The following RHBDD1 variants were observed in gnomAD, a reference collection of about 807,000 sequenced individuals.
The protein encoded by RHBDD1 is rhomboid-related protein 4.
A neutral mutation model predicts 36.3 loss-of-function variants in RHBDD1; 38 were observed. The ratio of observed to expected loss-of-function variants is 1.05; its 90% CI spans 0.81 to 1.37. RHBDD1 has a LOEUF of 1.37. RHBDD1 is among the 40% of genes most tolerant of loss of function. The pLI, the probability that RHBDD1 is intolerant of heterozygous loss-of-function variation, is 0.00. For missense variants in RHBDD1, 393 were observed against 377.6 expected, an observed-to-expected ratio of 1.04 and a Z score of -0.34; for synonymous variants, 151 against 136.5, an observed-to-expected ratio of 1.11 and a Z score of -0.74.
chr2:226,878,511 G>A (rs1357395414), intron 5 of RHBDD1, among the ~76,000 whole-genome samples: 2 of 152,176 alleles, frequency 1.3e-5, no homozygotes, highest in Admixed American at 1.3e-4. Context: ...TTCTTGCCTT[G>A]TGAGTTGAAA....
At chr2:226,882,440 AAAAAAAAAAAAAAAGAAG>A (rs1456636412) in intron 5 of RHBDD1, among the ~76,000 whole-genome samples, 1 of 150,518 alleles carries the variant, frequency 6.6e-6, no homozygotes, top group African/African-American at 2.4e-5. Context: ...CAAAAAAAAA[AAAAAAAAAAAAAAAGAAG>A]AAGAAGAAGA....
chr2:226,821,009 C>T, the RHBDD1 span, among the ~76,000 whole-genome samples: 5 of 152,196 alleles, frequency 3.3e-5, no homozygotes, highest in South Asian at 1.0e-3. Flanking sequence ...CTGGTACCCC[C>T]ATCCTCTCCT....
chr2:226,947,996 G>A (rs1462761326), intron 8 of RHBDD1, among the ~76,000 whole-genome samples: 1 of 152,158 alleles, frequency 6.6e-6, no homozygotes, highest in East Asian at 1.9e-4. Context: ...AGCCATTGTG[G>A]AAGTCAGTGT....
At chr2:226,841,299 AT>A (rs1161516943) in intron 3 of RHBDD1, among the ~76,000 whole-genome samples, 1 of 151,276 alleles carries the variant, frequency 6.6e-6, no homozygotes, top group Admixed American at 6.6e-5. Context: ...CACCCAGCTA[AT>A]TTTTTTTTCT....
intron 5 of RHBDD1, among the ~76,000 whole-genome samples, chr2:226,886,952 G>GA (rs1414661624): frequency 1.3e-5 from 2 of 151,660 alleles, no homozygotes; most frequent in Non-Finnish European, 2.9e-5. Context: ...AACTAAAAAG[G>GA]AAAAAATGAT....
chr2:226,855,411 G>A (rs887708985), intron 3 of RHBDD1, among the ~76,000 whole-genome samples: 4 of 152,182 alleles, frequency 2.6e-5, no homozygotes, highest in Admixed American at 2.0e-4. Context: ...GGCTGCAGTG[G>A]GAGGACCACT....
intron 8 of RHBDD1, among the ~76,000 whole-genome samples, chr2:226,984,288 T>C (rs1391819324): frequency 6.6e-6 from 1 of 152,216 alleles, no homozygotes; most frequent in Non-Finnish European, 1.5e-5. Flanking sequence ...AACAGAAATT[T>C]ATTTCTCACG....
chr2:226,908,677 A>G lies in RHBDD1; in HGVS notation c.656-145A>G, dbSNP rs529396877. On this transcript the variant is annotated intron_variant, in intron 6 of 8. Transcript: ENST00000392062. ...CTTTTCCAGTTAGGGCTGGCCCCCA[A>G]ACAAAAGGGAGTTTATTTTAATAAG... 116 of 653,602 alleles carry G rather than the reference A, an allele frequency of 1.8e-4. 2 individuals are homozygous for G. The South Asian group carries it at 2.1e-3, about 12-fold the overall frequency. 40.5% of individuals were successfully genotyped at this position (653,602 alleles called of 1,614,324 possible). A position where few individuals can be genotyped will look rare whatever the true frequency, so the allele number is the denominator to read the frequency against.
chr2:226,931,378 A>C (rs1160724406), intron 8 of RHBDD1, among the ~76,000 whole-genome samples: 2 of 152,068 alleles, frequency 1.3e-5, no homozygotes, highest in Non-Finnish European at 2.9e-5. Context: ...TCTAAGTATT[A>C]ATAACTCAGG....
rs1289554151 is a variant in RHBDD1, at chr2:226,996,677, A to G, written c.*1155A>G. ...AGATGCATAAGGCAAACATCTGGAA[A>G]GAAATATACCCAAATCTTAGCAGGG... On this transcript the variant is annotated 3_prime_UTR_variant, in exon 9 of 9. Transcript: ENST00000392062. 1 of 152,264 alleles carries G rather than the reference A, an allele frequency of 6.6e-6. No homozygotes were observed. Among genetic ancestry groups the G allele is most frequent in the African/African-American group, 2.4e-5 (1 of 41,478 alleles). 9.4% of individuals were successfully genotyped at this position (152,264 alleles called of 1,614,324 possible).
chr2:226,916,634 T>C lies in RHBDD1; in HGVS notation c.856+2283T>C, dbSNP rs12614350. Among the ~76,000 whole-genome samples the C allele has an allele frequency of 5.3e-4, 81 of 152,312 alleles. 1 individual carries two copies. In the East Asian group the frequency reaches 0.014, roughly 27 times the overall value. On this transcript the variant is annotated intron_variant, in intron 8 of 8. Coordinates refer to ENST00000392062, the MANE Select transcript of RHBDD1 (RefSeq NM_001167608.3). ...GAGACATCTTCTGATTATTATCTTC[T>C]GTTAAGAAAATGTGTATTCTAAAGT... is the stretch of plus-strand genomic sequence containing the variant.
At chr2:226,863,850 T>C (rs1359662236) in intron 3 of RHBDD1, among the ~76,000 whole-genome samples, 5 of 152,188 alleles carry the variant, frequency 3.3e-5, no homozygotes, top group Admixed American at 1.3e-4. Flanking sequence ...ATGGAACTTC[T>C]CATTGTCAAC....
chr2:226,947,861 T>A (rs944305180), intron 8 of RHBDD1, among the ~76,000 whole-genome samples: 53 of 151,978 alleles, frequency 3.5e-4, no homozygotes, highest in African/African-American at 1.2e-3. Flanking sequence ...TCAAAACCAC[T>A]ATGAGATACC....
At chr2:226,871,016 A>G (rs1357993324) in intron 5 of RHBDD1, among the ~76,000 whole-genome samples, 1 of 152,196 alleles carries the variant, frequency 6.6e-6, no homozygotes, top group Non-Finnish European at 1.5e-5. Flanking sequence ...GACAGCTGAA[A>G]GCATTACCCC....
chr2:226,830,093 A>G, the RHBDD1 span, among the ~76,000 whole-genome samples: 7 of 152,084 alleles, frequency 4.6e-5, no homozygotes, highest in East Asian at 1.4e-3. Context: ...GTGCTTTTCT[A>G]CATCTATGGA....
Position 226,862,694 on chromosome 2 carries a change from G to A in RHBDD1, c.-90-1910G>A, listed in dbSNP as rs184096182. ...AAACAGTCCCTCCCTGGCTTAGTCCGTTTAGGGTTGCTATAAATACCTGAG... is the reference window on the plus strand; with the variant it reads ...AAACAGTCCCTCCCTGGCTTAGTCCATTTAGGGTTGCTATAAATACCTGAG... On this transcript the variant is annotated intron_variant, in intron 3 of 8. Transcript: ENST00000392062. Among the ~76,000 whole-genome samples the A allele has an allele frequency of 2.5e-3, 385 of 152,236 alleles. 1 individual carries two copies. Among genetic ancestry groups the A allele is most frequent in the African/African-American group, 8.1e-3 (337 of 41,552 alleles).
At chr2:226,983,678 G>T (rs1409475221) in intron 8 of RHBDD1, among the ~76,000 whole-genome samples, 4 of 151,150 alleles carry the variant, frequency 2.6e-5, no homozygotes, top group Non-Finnish European at 5.9e-5. Context: ...TTTTTTTCAC[G>T]TGCAAAGGTT....
chr2:226,864,667 G>A lies in RHBDD1; in HGVS notation c.-27G>A. 6.3e-7 allele frequency: 1 copy of A among 1,595,230 alleles called. No individual in the cohort carries two copies. The highest frequency in any genetic ancestry group is 8.6e-7 in the Non-Finnish European group (1 of 1,166,924). Reference sequence around the variant, plus strand: ...GACCACCTGAGTACGTTTTCCCATTGCTGAGCTGTTTCCCTGATATCTGGC... The same window carrying A: ...GACCACCTGAGTACGTTTTCCCATTACTGAGCTGTTTCCCTGATATCTGGC... On this transcript the variant is annotated 5_prime_UTR_variant, in exon 4 of 9. Coordinates refer to ENST00000392062, the MANE Select transcript of RHBDD1 (RefSeq NM_001167608.3).
At chr2:226,819,577 G>C in the RHBDD1 span, among the ~76,000 whole-genome samples, 2 of 152,098 alleles carry the variant, frequency 1.3e-5, no homozygotes, top group Non-Finnish European at 2.9e-5. Flanking sequence ...GGCTATGCAG[G>C]GGGTGTATGG....
Sources: allele counts gnomAD v4.1 joint callset (sites outside exome capture counted in the v4.1 genomes callset), GRCh38; gene constraint gnomAD v4.1.1; transcripts MANE v1.5; gene names NCBI Gene and HGNC (gene_info 2026-07-23, HGNC 2026-07-21).